The following AXDND1 variants were observed in gnomAD, a reference collection of about 807,000 sequenced individuals.
AXDND1 encodes the protein axonemal dynein light chain domain containing 1.
In AXDND1, 110 loss-of-function variants were observed where a neutral mutation model predicts 137.5. The observed-to-expected ratio is 0.80, with a 90% CI of 0.69 to 0.94. The LOEUF is 0.94. AXDND1 is among the 40% of genes least tolerant of loss of function. The pLI is 0.00. For synonymous variants in AXDND1, 414 were observed against 399.7 expected, an observed-to-expected ratio of 1.04 and a Z score of -0.43; for missense variants, 1,191 against 1,169.8, an observed-to-expected ratio of 1.02 and a Z score of -0.26.
chr1:179,450,641 A>G (rs889951399), intron 16 of AXDND1: 2 of 152,058 alleles, frequency 1.3e-5, no homozygotes, highest in African/African-American at 4.8e-5. Context: ...TGATTTTTGG[A>G]TATTAATCCA....
chr1:179,537,166 A>G (rs919465688), intron 25 of AXDND1, among the ~76,000 whole-genome samples: 27 of 152,180 alleles, frequency 1.8e-4, no homozygotes, highest in African/African-American at 6.5e-4. Flanking sequence ...AACAGAGACA[A>G]TTTGACTTCC....
At chr1:179,445,319 C>G in intron 16 of AXDND1, 115 bp downstream of exon 16, 1 of 786,552 alleles carries the variant, frequency 1.3e-6, no homozygotes, top group Non-Finnish European at 1.9e-6. Flanking sequence ...GTTTTAAAAA[C>G]CAAGCAAAAT....
chr1:179,483,189 AT>A lies in AXDND1; in HGVS notation c.2061del (p.Asn688ThrfsTer18). On this transcript the variant is annotated frameshift_variant, in exon 18 of 26. Transcript: ENST00000367618. LOFTEE classifies it high-confidence loss of function. ...ATGGCTTTTGAAGATAGGCAATGAA[AT>A]TAACAACGGTAACATTGAACTTCAG... ...QQWLLKIGNE[I>X]NNGNIELQHH... 6.2e-7 allele frequency: 1 copy of A among 1,611,084 alleles called. No homozygotes were observed. The highest frequency in any genetic ancestry group is 1.1e-5 in the South Asian group (1 of 90,510).
chr1:179,530,010 G>A (rs954372827), intron 23 of AXDND1, among the ~76,000 whole-genome samples: 8 of 152,064 alleles, frequency 5.3e-5, no homozygotes, highest in Non-Finnish European at 1.0e-4. Flanking sequence ...AGGGAGCAGT[G>A]GGAATGGAAT....
At chr1:179,476,507 T>C (rs1664641641) in intron 17 of AXDND1, among the ~76,000 whole-genome samples, 1 of 152,148 alleles carries the variant, frequency 6.6e-6, no homozygotes, top group Admixed American at 6.5e-5. Flanking sequence ...CCTGAAAAAT[T>C]TCCTCTAGGA....
In AXDND1 at chr1:179,504,309, G is replaced by A. The variant is rs928935574; in HGVS notation, c.2389-4987G>A. 7.2e-5 allele frequency among the ~76,000 whole-genome samples: 11 copies of A among 152,216 alleles called. No homozygotes were observed. In the South Asian group the frequency reaches 1.0e-3, roughly 14 times the overall value. On this transcript the variant is annotated intron_variant, in intron 20 of 25. Transcript: ENST00000367618. ...GTTCAAGCCTTCTCAGGCCTGCTGC[G>A]AATAGCCCCTTCTTCTGTCCACCCC...
intron 11 of AXDND1, among the ~76,000 whole-genome samples, chr1:179,403,507 A>T (rs1652428118): frequency 6.6e-6 from 1 of 152,242 alleles, no homozygotes. Flanking sequence ...ACTGGGAGAG[A>T]TCACTTTTTA....
chr1:179,510,723 C>G (rs1006599459), intron 21 of AXDND1, among the ~76,000 whole-genome samples: 5 of 152,008 alleles, frequency 3.3e-5, no homozygotes, highest in African/African-American at 4.8e-5. Context: ...TGAATTTAAC[C>G]TTGCATGAAT....
chr1:179,489,133 A>G (rs555426579), intron 18 of AXDND1, among the ~76,000 whole-genome samples: 4 of 125,844 alleles, frequency 3.2e-5, no homozygotes, highest in Non-Finnish European at 6.8e-5. Flanking sequence ...AAAGAAAAGC[A>G]GTCAATTCAT....
chr1:179,514,897 G>C (rs1669389522), intron 21 of AXDND1, among the ~76,000 whole-genome samples: 1 of 152,030 alleles, frequency 6.6e-6, no homozygotes, highest in Non-Finnish European at 1.5e-5. Context: ...GCTCGCTTTT[G>C]GTGTCCATTT....
chr1:179,501,150 GT>G (rs986658106), intron 20 of AXDND1, among the ~76,000 whole-genome samples: 3 of 150,968 alleles, frequency 2.0e-5, no homozygotes, highest in Non-Finnish European at 3.0e-5. Flanking sequence ...GTTTCCAACA[GT>G]TTTTTTTTCA....
chr1:179,377,642 TCA>T (rs1647497601), intron 4 of AXDND1, among the ~76,000 whole-genome samples: 2 of 152,292 alleles, frequency 1.3e-5, no homozygotes, highest in South Asian at 4.1e-4. Flanking sequence ...ATTTAAAGAC[TCA>T]CAGAAAAGTT....
intron 16 of AXDND1, among the ~76,000 whole-genome samples, chr1:179,466,726 T>G (rs1244591297): frequency 6.6e-6 from 1 of 152,228 alleles, no homozygotes; most frequent in Non-Finnish European, 1.5e-5. Flanking sequence ...TCCATTCTTT[T>G]CATATTTCTG....
At chr1:179,550,963 A>G in intron 25 of AXDND1, 1 of 624,190 alleles carries the variant, frequency 1.6e-6, no homozygotes, top group Non-Finnish European at 2.8e-6. Context: ...TGCTCTGACT[A>G]GATGAGTCAC....
chr1:179,528,390 C>A lies in AXDND1; in HGVS notation c.2674C>A (p.His892Asn). 1 of 1,613,836 alleles carries A rather than the reference C, an allele frequency of 6.2e-7. No individual in the cohort carries two copies. Among genetic ancestry groups the A allele is most frequent in the South Asian group, 1.1e-5 (1 of 91,062 alleles). The part of the protein sequence containing the change: ...IRFIGEDENV[H>N]SKPLFETDVL... ...ATTCATTGGAGAAGATGAAAATGTT[C>A]ATTCCAAACCTCTATTTGAAACAGA... Residue 892 changes from histidine (H) to asparagine (N), a missense_variant, in exon 23 of 26, where the codon CAT becomes AAT. Coordinates refer to ENST00000367618, the MANE Select transcript of AXDND1 (RefSeq NM_144696.6).
At position 179,501,298 on chromosome 1, in the gene AXDND1, G is replaced by A. The variant is rs116256661; in HGVS notation, c.2389-7998G>A. 1.7e-3 allele frequency among the ~76,000 whole-genome samples: 262 copies of A among 152,192 alleles called. 2 individuals carry two copies. The highest frequency in any genetic ancestry group is 3.0e-3 in the Non-Finnish European group (201 of 68,022). ...TGTAAAGCTAAACTGAAACAGCATG[G>A]TGTTAGTTCAAAGATGGACAACTAT... On this transcript the variant is annotated intron_variant, in intron 20 of 25. Coordinates refer to ENST00000367618, the MANE Select transcript of AXDND1 (RefSeq NM_144696.6).
At chr1:179,438,353 A>G (rs1450393645) in intron 15 of AXDND1, among the ~76,000 whole-genome samples, 1 of 152,144 alleles carries the variant, frequency 6.6e-6, no homozygotes, top group South Asian at 2.1e-4. Context: ...TTGTTCCCCT[A>G]ACCATAGGAC....
intron 11 of AXDND1, among the ~76,000 whole-genome samples, chr1:179,406,087 A>T (rs1007036999): frequency 6.6e-6 from 1 of 151,968 alleles, no homozygotes; most frequent in Non-Finnish European, 1.5e-5. Flanking sequence ...ACATTTAAAA[A>T]TTTTCTTCTT....
chr1:179,458,413 C>G (rs1661731407), intron 16 of AXDND1, among the ~76,000 whole-genome samples: 1 of 152,016 alleles, frequency 6.6e-6, no homozygotes, highest in Non-Finnish European at 1.5e-5. Flanking sequence ...TTTATGAACC[C>G]AGAAAACCAT....
Sources: gnomAD v4.1 joint callset for allele counts (sites outside exome capture counted in the v4.1 genomes callset) on GRCh38, gnomAD v4.1.1 for gene constraint, MANE v1.5 for transcripts, NCBI Gene and HGNC (gene_info 2026-07-23, HGNC 2026-07-21) for gene names.